The following TTC6 variants were observed in gnomAD, a reference collection of about 807,000 sequenced individuals.
TTC6 encodes tetratricopeptide repeat domain 6.
In TTC6, 172 loss-of-function variants were observed where a neutral mutation model predicts 210.4. The ratio of observed to expected loss-of-function variants is 0.82; its 90% CI spans 0.72 to 0.93. The LOEUF is 0.93. Ranked by LOEUF, TTC6 falls within the 40% of genes least tolerant of loss-of-function variation. The probability of loss-of-function intolerance (pLI) is 0.00; values close to 1 mark genes in which losing one functional copy is unlikely to be tolerated. For missense variants in TTC6, 2,414 were observed against 2,318.1 expected, an observed-to-expected ratio of 1.04 and a Z score of -0.85; for synonymous variants, 804 against 819.6, an observed-to-expected ratio of 0.98 and a Z score of 0.32.
rs1331077898 is a variant in TTC6 at position 37,750,082 on chromosome 14, T to C, written c.2956+239T>C. Reference sequence around the variant, plus strand: ...TATATATTGCAGTAAGTTGGTTCCTTACTGCTCATCTCACAACGAAAGAAT... The same window carrying C: ...TATATATTGCAGTAAGTTGGTTCCTCACTGCTCATCTCACAACGAAAGAAT... On this transcript the variant is annotated intron_variant, in intron 12 of 30. Transcript: ENST00000553443. Among the ~76,000 whole-genome samples the C allele has an allele frequency of 2.6e-5, 4 of 152,300 alleles. No individual in the cohort carries two copies. The East Asian group carries it at 7.7e-4, about 29-fold the overall frequency.
At chr14:37,813,711 G>A (rs923224855) in intron 25 of TTC6, among the ~76,000 whole-genome samples, 41 of 152,208 alleles carry the variant, frequency 2.7e-4, no homozygotes, top group African/African-American at 9.4e-4. Flanking sequence ...CAGGCAAAGC[G>A]CTGGCGTTAA....
rs183362398 is a variant in TTC6, at chr14:37,765,463, G to A, written c.3266+12228G>A. On this transcript the variant is annotated intron_variant, in intron 14 of 30. Transcript: ENST00000553443. The stretch of plus-strand genomic sequence containing the variant: ...CCTGAAGTGCTGGGATTACAGACAT[G>A]AGCCACTGCACCCTATCACAAATTA... Among the ~76,000 whole-genome samples, 3 of 151,572 alleles carry A rather than the reference G, an allele frequency of 2.0e-5. No homozygotes were observed. In the East Asian group the frequency reaches 5.9e-4, roughly 30 times the overall value.
At chr14:37,683,794 G>A (rs1234038185) in intron 3 of TTC6, among the ~76,000 whole-genome samples, 2 of 151,984 alleles carry the variant, frequency 1.3e-5, no homozygotes, top group Admixed American at 6.6e-5. Flanking sequence ...AGGGAGGATT[G>A]TTGTATTAAT....
chr14:37,806,450 C>T (rs1232281592), exon 22 of TTC6: 1 of 1,535,588 alleles, frequency 6.5e-7, no homozygotes, highest in South Asian at 1.2e-5. Context: ...TGAAACTCCA[C>T]AAGGATAGCT....
At chr14:37,759,069 G>C (rs1015200237) in intron 14 of TTC6, among the ~76,000 whole-genome samples, 1 of 151,970 alleles carries the variant, frequency 6.6e-6, no homozygotes, top group African/African-American at 2.4e-5. Flanking sequence ...TCAGGAGATT[G>C]AGACCATCCT....
chr14:37,645,443 T>A (rs553921858), intron 1 of TTC6, among the ~76,000 whole-genome samples: 2 of 152,236 alleles, frequency 1.3e-5, no homozygotes, highest in East Asian at 3.9e-4. Context: ...TTGCTTACAA[T>A]CTAGAGGGAG....
At chr14:37,777,057 T>G (rs749592528) in intron 14 of TTC6, among the ~76,000 whole-genome samples, 2 of 152,178 alleles carry the variant, frequency 1.3e-5, no homozygotes, top group Non-Finnish European at 1.5e-5. Context: ...CCTTGGAGAA[T>G]CTGATGACTA....
intron 10 of TTC6, among the ~76,000 whole-genome samples, chr14:37,748,174 T>G (rs2095941599): frequency 6.6e-6 from 1 of 152,182 alleles, no homozygotes; most frequent in Non-Finnish European, 1.5e-5. Flanking sequence ...CACTAGAATG[T>G]GGAAAGGAAT....
chr14:37,691,206 T>C (rs2095802986), intron 3 of TTC6, among the ~76,000 whole-genome samples: 1 of 152,104 alleles, frequency 6.6e-6, no homozygotes, highest in Non-Finnish European at 1.5e-5. Context: ...GATGCATGCC[T>C]GTAATTCCAG....
At chr14:37,772,389 G>C (rs908179440) in intron 14 of TTC6, 18 of 167,326 alleles carry the variant, frequency 1.1e-4, no homozygotes, top group African/African-American at 2.2e-4. Context: ...AATGGTGGGC[G>C]CCCCTTCCCC....
chr14:37,689,938 TGTG>T (rs1301846030), intron 3 of TTC6, among the ~76,000 whole-genome samples: 1 of 152,080 alleles, frequency 6.6e-6, no homozygotes, highest in Non-Finnish European at 1.5e-5. Context: ...CCACCATAAA[TGTG>T]GTGTGTAAAC....
intron 1 of TTC6, among the ~76,000 whole-genome samples, chr14:37,674,120 A>ATT (rs923855085): frequency 1.4e-5 from 2 of 147,664 alleles, no homozygotes; most frequent in Non-Finnish European, 3.0e-5. Context: ...TGTCTCAGTC[A>ATT]TTTTTTTTTT....
chr14:37,694,415 C>T (rs1411910474), intron 3 of TTC6, among the ~76,000 whole-genome samples: 1 of 152,112 alleles, frequency 6.6e-6, no homozygotes, highest in Non-Finnish European at 1.5e-5. Context: ...ATCCAAAAGA[C>T]AGGCAATAAC....
chr14:37,711,554 A>G (rs2095844774), intron 5 of TTC6, among the ~76,000 whole-genome samples: 1 of 152,130 alleles, frequency 6.6e-6, no homozygotes, highest in East Asian at 1.9e-4. Flanking sequence ...GAGTAATCCC[A>G]GCACATAAGG....
chr14:37,759,928 C>G (rs2095979001), intron 14 of TTC6, among the ~76,000 whole-genome samples: 1 of 152,064 alleles, frequency 6.6e-6, no homozygotes, highest in Non-Finnish European at 1.5e-5. Context: ...GTTTAGCTTC[C>G]TTGCATTGGG....
chr14:37,608,304 G>T (rs1225925770), intron 2 of TTC6, among the ~76,000 whole-genome samples: 2 of 152,018 alleles, frequency 1.3e-5, no homozygotes, highest in African/African-American at 4.8e-5. Context: ...GTGTGTGTGT[G>T]TGTTTTTGTT....
At chr14:37,827,069 A>T in intron 28 of TTC6, 127 bp from the exon 31 acceptor site, 7 of 664,256 alleles carry the variant, frequency 1.1e-5, no homozygotes, top group Non-Finnish European at 1.4e-5. Flanking sequence ...GTTCTACTGG[A>T]GTTTTACATG....
chr14:37,765,325 ATTTT>A (rs967504305), intron 14 of TTC6, among the ~76,000 whole-genome samples: 2 of 132,938 alleles, frequency 1.5e-5, no homozygotes, highest in Admixed American at 1.6e-4. Flanking sequence ...ACCACACCTA[ATTTT>A]TTTTTTTTTT....
intron 24 of TTC6, among the ~76,000 whole-genome samples, chr14:37,811,475 T>C (rs765983136): frequency 1.3e-4 from 20 of 152,228 alleles, no homozygotes; most frequent in Admixed American, 2.0e-4. Flanking sequence ...TCATTTTCAG[T>C]TGGCAGATGC....
Sources: gnomAD v4.1 joint callset for allele counts (sites outside exome capture counted in the v4.1 genomes callset) on GRCh38, gnomAD v4.1.1 for gene constraint, MANE v1.5 for transcripts, NCBI Gene and HGNC (gene_info 2026-07-23, HGNC 2026-07-21) for gene names.